Variants in SPAG16 observed in about 807,000 individuals in gnomAD.
The protein encoded by SPAG16 is sperm-associated antigen 16 protein.
In SPAG16, 86 loss-of-function variants were observed where a neutral mutation model predicts 80.4. The ratio of observed to expected loss-of-function variants is 1.07; its 90% CI spans 0.90 to 1.28. The LOEUF is 1.28. Among genes scored for constraint, SPAG16 ranks in the 50% most tolerant of loss-of-function variants. The pLI, the probability that SPAG16 is intolerant of heterozygous loss-of-function variation, is 0.00. For synonymous variants in SPAG16, 294 were observed against 265.9 expected (o/e 1.11, Z -1.03); for missense variants, 870 against 765.3 (o/e 1.14, Z -1.61).
At chr2:213,431,761 T>C (rs1015669451) in intron 9 of SPAG16, among the ~76,000 whole-genome samples, 2 of 152,082 alleles carry the variant, frequency 1.3e-5, no homozygotes, top group Non-Finnish European at 2.9e-5. Flanking sequence ...CTAACATACA[T>C]TTATAGAACA....
chr2:213,637,307 T>G (rs948988419), intron 10 of SPAG16, among the ~76,000 whole-genome samples: 11 of 152,144 alleles, frequency 7.2e-5, no homozygotes, highest in Non-Finnish European at 1.5e-4. Flanking sequence ...AGAAACCCAC[T>G]TGATCTTTTT....
chr2:213,659,332 T>TAAAAAAAA (rs1176270395), intron 10 of SPAG16, among the ~76,000 whole-genome samples: 1 of 134,022 alleles, frequency 7.5e-6, no homozygotes, highest in Non-Finnish European at 1.6e-5. Context: ...CCAATCATCT[T>TAAAAAAAA]AAAAAAAAAA....
intron 12 of SPAG16, among the ~76,000 whole-genome samples, chr2:213,970,241 C>T (rs919896339): frequency 1.1e-4 from 16 of 151,280 alleles, no homozygotes; most frequent in Non-Finnish European, 1.3e-4. Context: ...ACATTTAGAC[C>T]GTAGCTGTAG....
At chr2:213,509,931 A>C (rs1188043974) in intron 10 of SPAG16, among the ~76,000 whole-genome samples, 1 of 152,196 alleles carries the variant, frequency 6.6e-6, no homozygotes, top group Non-Finnish European at 1.5e-5. Flanking sequence ...AAGACTAATA[A>C]AGAAGAAAAG....
At chr2:214,256,915 C>A (rs539547201) in intron 15 of SPAG16, among the ~76,000 whole-genome samples, 10 of 151,916 alleles carry the variant, frequency 6.6e-5, no homozygotes, top group Non-Finnish European at 1.3e-4. Context: ...TTATTTTTTG[C>A]ATTTCCATAT....
intron 15 of SPAG16, among the ~76,000 whole-genome samples, chr2:214,168,697 G>A (rs2056760074): frequency 6.6e-6 from 1 of 152,100 alleles, no homozygotes; most frequent in South Asian, 2.1e-4. Flanking sequence ...AAAGTTCCAG[G>A]AGGCAGACCA....
intron 10 of SPAG16, among the ~76,000 whole-genome samples, chr2:213,832,903 A>G (rs908756938): frequency 6.6e-6 from 1 of 152,106 alleles, no homozygotes; most frequent in African/African-American, 2.4e-5. Context: ...GTGATAGGCG[A>G]GGAAAGGTAT....
intron 9 of SPAG16, among the ~76,000 whole-genome samples, chr2:213,486,299 C>T (rs978246650): frequency 5.9e-5 from 9 of 152,066 alleles, no homozygotes; most frequent in Non-Finnish European, 7.4e-5. Flanking sequence ...TTAGCTTCCA[C>T]ATATGAGTGA....
At chr2:214,076,559 G>A (rs1375498016) in intron 13 of SPAG16, among the ~76,000 whole-genome samples, 1 of 147,748 alleles carries the variant, frequency 6.8e-6, no homozygotes, top group African/African-American at 2.5e-5. Flanking sequence ...GTGTGTGTGT[G>A]TGTGTGTTTG....
chr2:213,369,437 G>GTGGAAA (rs1297234022), intron 8 of SPAG16, among the ~76,000 whole-genome samples: 1 of 152,174 alleles, frequency 6.6e-6, no homozygotes, highest in Admixed American at 6.5e-5. Context: ...TTGAGGTGTG[G>GTGGAAA]TGGAAATGTT....
chr2:213,827,365 C>T (rs932874535), intron 10 of SPAG16, among the ~76,000 whole-genome samples: 18 of 151,770 alleles, frequency 1.2e-4, no homozygotes, highest in African/African-American at 4.1e-4. Flanking sequence ...TTGAGGTTAC[C>T]ATGAGGCTTG....
intron 8 of SPAG16, among the ~76,000 whole-genome samples, chr2:213,369,559 A>G (rs2066517618): frequency 6.7e-6 from 1 of 150,160 alleles, no homozygotes; most frequent in African/African-American, 2.4e-5. Context: ...AAATTTAAGT[A>G]TACCTGTGTT....
At chr2:213,774,197 G>A (rs1031894181) in intron 10 of SPAG16, among the ~76,000 whole-genome samples, 1 of 152,028 alleles carries the variant, frequency 6.6e-6, no homozygotes. Flanking sequence ...GTTTCTTAGG[G>A]CTGCTGTAAC....
At chr2:213,485,292 A>C (rs1471579779) in intron 9 of SPAG16, among the ~76,000 whole-genome samples, 1 of 152,096 alleles carries the variant, frequency 6.6e-6, no homozygotes, top group Non-Finnish European at 1.5e-5. Context: ...CTGCACCCAG[A>C]CAATATTTTT....
chr2:214,316,586 C>T (rs895650268), intron 15 of SPAG16, among the ~76,000 whole-genome samples: 3 of 152,130 alleles, frequency 2.0e-5, no homozygotes, highest in African/African-American at 7.2e-5. Context: ...CCTCCCTATA[C>T]CCACCTTTTC....
chr2:213,619,728 G>T (rs1406873863), intron 10 of SPAG16, among the ~76,000 whole-genome samples: 1 of 152,126 alleles, frequency 6.6e-6, no homozygotes, highest in African/African-American at 2.4e-5. Flanking sequence ...GTAAATTAGT[G>T]CAGTTATTAT....
intron 10 of SPAG16, among the ~76,000 whole-genome samples, chr2:213,815,777 CTTA>C (rs1196722092): frequency 1.3e-5 from 2 of 152,002 alleles, no homozygotes; most frequent in African/African-American, 2.4e-5. Flanking sequence ...TTAATTTTTA[CTTA>C]TTATACGTAT....
intron 15 of SPAG16, among the ~76,000 whole-genome samples, chr2:214,167,039 C>A (rs1270048573): frequency 6.6e-6 from 1 of 152,140 alleles, no homozygotes; most frequent in Non-Finnish European, 1.5e-5. Context: ...GAAGAAGACT[C>A]AGCTGAAGCC....
chr2:213,452,052 T>C (rs993921610), intron 9 of SPAG16, among the ~76,000 whole-genome samples: 1 of 152,110 alleles, frequency 6.6e-6, no homozygotes, highest in Admixed American at 6.5e-5. Context: ...ACACTGTTTT[T>C]ACTGGGGCCT....
Sources: gnomAD v4.1 joint callset for allele counts (sites outside exome capture counted in the v4.1 genomes callset) on GRCh38, gnomAD v4.1.1 for gene constraint, MANE v1.5 for transcripts, NCBI Gene and HGNC (gene_info 2026-07-23, HGNC 2026-07-21) for gene names.